The following TYRO3 variants were observed in gnomAD, a reference collection of about 807,000 sequenced individuals.
The protein encoded by TYRO3 is tyrosine-protein kinase receptor TYRO3.
In TYRO3, 38 loss-of-function variants were observed where a neutral mutation model predicts 95.2. The ratio of observed to expected loss-of-function variants is 0.40; its 90% CI spans 0.31 to 0.52. The LOEUF is 0.52. TYRO3 is among the 20% of genes least tolerant of loss of function. The probability of loss-of-function intolerance (pLI) is 0.56; values close to 1 mark genes in which losing one functional copy is unlikely to be tolerated. For synonymous variants in TYRO3, 367 were observed against 432.9 expected, an observed-to-expected ratio of 0.85 and a Z score of 1.89; for missense variants, 812 against 1,116.4, an observed-to-expected ratio of 0.73 and a Z score of 3.89.
rs1241341375 is a variant in TYRO3, at chr15:41,565,254, A to G, written c.783+113A>G. ...GGGGGCTTGGTCTGCAGCTCTTTTC[A>G]GGCTCTGCTCCTTAGCAGGAAGAAC... is the stretch of plus-strand genomic sequence containing the variant. On this transcript the variant is annotated intron_variant, in intron 6 of 18. Coordinates refer to ENST00000263798, the MANE Select transcript of TYRO3 (RefSeq NM_006293.4). 5.9e-6 allele frequency: 4 copies of G among 672,604 alleles called. No homozygotes were observed. The Admixed American group carries it at 6.5e-5, about 11-fold the overall frequency. 41.7% of individuals were successfully genotyped at this position (672,604 alleles called of 1,614,324 possible). A position where few individuals can be genotyped will look rare whatever the true frequency, so the allele number is the denominator to read the frequency against.
At chr15:41,576,645 C>CT (rs971951671) in intron 18 of TYRO3, among the ~76,000 whole-genome samples, 1,087 of 100,988 alleles carry the variant, frequency 0.011, 17 homozygotes, top group African/African-American at 0.037. Context: ...AGTAGGTTTC[C>CT]TTTTTTTTTT....
At chr15:41,572,722 G>A (rs1235639553) in intron 15 of TYRO3, among the ~76,000 whole-genome samples, 158 bp downstream of exon 15, 1 of 152,174 alleles carries the variant, frequency 6.6e-6, no homozygotes. Flanking sequence ...AATCTAGCAG[G>A]CTTTCTTTTC....
At chr15:41,569,927 A>G (rs2055772790) in intron 9 of TYRO3, 100 bp from the exon 10 acceptor site, 2 of 1,461,916 alleles carry the variant, frequency 1.4e-6, no homozygotes, top group Non-Finnish European at 1.8e-6. Context: ...TTATTGACCT[A>G]GAGGAGCCCC....
chr15:41,569,055 CAG>C, intron 9 of TYRO3, 33 bp downstream of exon 9: 2 of 1,610,610 alleles, frequency 1.2e-6, no homozygotes, highest in Non-Finnish European at 1.7e-6. Context: ...GGCAGAGGCT[CAG>C]GGGATCAAGG....
intron 3 of TYRO3, 125 bp from the exon 4 acceptor site, chr15:41,562,423 C>A: frequency 1.1e-6 from 1 of 946,110 alleles, no homozygotes; most frequent in Non-Finnish European, 1.6e-6. Flanking sequence ...CTGCTGTTGA[C>A]CTAATCATAA....
chr15:41,562,320 G>A (rs1200338), intron 3 of TYRO3: 289,075 of 289,156 alleles, frequency 1, 144,497 homozygotes, highest in Middle Eastern at 1. Flanking sequence ...AGACCTCCCC[G>A]CGACCAATCT....
intron 7 of TYRO3, 103 bp from the exon 8 acceptor site, chr15:41,568,112 CCT>C (rs2055747216): frequency 6.8e-7 from 1 of 1,460,156 alleles, no homozygotes; most frequent in African/African-American, 1.4e-5. Flanking sequence ...CCAGTTTGTG[CCT>C]CTCAGAGCTG....
rs959418268 is a variant in TYRO3 at position 41,567,392 on chromosome 15, G to C, written c.816G>C (p.Leu272=). Residue 272 remains leucine, a synonymous_variant, in exon 7 of 19, where the codon CTG becomes CTC. Transcript: ENST00000263798. ...VTQAPGGWEV[L]AVVVPVPPFT... ...AGGCCCCAGGAGGCTGGGAAGTCCT[G>C]GCTGTTGTGGTCCCTGTGCCCCCCT... 1.3e-6 allele frequency: 2 copies of C among 1,593,622 alleles called. No individual in the cohort carries two copies. The highest frequency in any genetic ancestry group is 1.7e-6 in the Non-Finnish European group (2 of 1,173,048).
At position 41,571,582 on chromosome 15, in the gene TYRO3, C is replaced by T. The variant is rs1296094420; in HGVS notation, c.1661-13C>T. On this transcript the variant is annotated splice_polypyrimidine_tract_variant and intron_variant, in intron 13 of 18. Coordinates refer to ENST00000263798, the MANE Select transcript of TYRO3 (RefSeq NM_006293.4). ...CTTGTTTTATTTCCTCCTTCCCCATCCCCTTCTCCTAGCTGACATCATTGC... is the reference window on the plus strand; with the variant it reads ...CTTGTTTTATTTCCTCCTTCCCCATTCCCTTCTCCTAGCTGACATCATTGC... 8.0e-7 allele frequency: 1 copy of T among 1,253,374 alleles called. No homozygotes were observed. The highest frequency in any genetic ancestry group is 1.8e-5 in the Admixed American group (1 of 56,588). The allele number at this position is 1,253,374 out of a possible 1,614,324, so 77.6% of individuals were successfully genotyped here.
At position 41,571,018 on chromosome 15, in the gene TYRO3, T is replaced by G. The variant is rs746074563; in HGVS notation, c.1580-20T>G. 1.4e-6 allele frequency: 2 copies of G among 1,392,836 alleles called. No homozygotes were observed. Among genetic ancestry groups the G allele is most frequent in the Non-Finnish European group, 2.0e-6 (2 of 981,406 alleles). 86.3% of individuals were successfully genotyped at this position (1,392,836 alleles called of 1,614,324 possible). Reference sequence around the variant, plus strand: ...AGCAGAGAGCCAAGGAGACTCTCCCTTACTTGGATTGGTTCCTAGGAGAGT... The same window carrying G: ...AGCAGAGAGCCAAGGAGACTCTCCCGTACTTGGATTGGTTCCTAGGAGAGT... On this transcript the variant is annotated intron_variant, in intron 12 of 18. Coordinates refer to ENST00000263798, the MANE Select transcript of TYRO3 (RefSeq NM_006293.4).
chr15:41,561,425 A>T, intron 2 of TYRO3, 114 bp from the exon 3 acceptor site: 1 of 1,446,834 alleles, frequency 6.9e-7, no homozygotes. Flanking sequence ...TGGTTTTTTT[A>T]TTTGGCTACC....
intron 13 of TYRO3, 150 bp downstream of exon 13, chr15:41,571,268 C>T: frequency 1.3e-6 from 1 of 744,528 alleles, no homozygotes; most frequent in Non-Finnish European, 2.3e-6. Flanking sequence ...GAATAATTCA[C>T]AAGCATAAAC....
intron 4 of TYRO3, 121 bp from the exon 5 acceptor site, chr15:41,564,063 C>G: frequency 1.1e-6 from 1 of 913,146 alleles, no homozygotes. Context: ...ACTGCCCAGC[C>G]CCTTCCTTTG....
chr15:41,568,532 A>T (rs951120919), intron 8 of TYRO3, among the ~76,000 whole-genome samples, 170 bp downstream of exon 8: 1 of 152,108 alleles, frequency 6.6e-6, no homozygotes, highest in African/African-American at 2.4e-5. Flanking sequence ...TCAAAGGATT[A>T]TGTCTCCTGT....
rs2055784266 is a variant in TYRO3, at chr15:41,570,700, G to A, written c.1579+1G>A. 6.4e-7 allele frequency: 1 copy of A among 1,574,022 alleles called. No individual in the cohort carries two copies. Among genetic ancestry groups the A allele is most frequent in the African/African-American group, 1.3e-5 (1 of 74,338 alleles). On this transcript the variant is annotated splice_donor_variant, in intron 12 of 18. Coordinates refer to ENST00000263798, the MANE Select transcript of TYRO3 (RefSeq NM_006293.4). LOFTEE classifies it high-confidence loss of function. ...ACCCTGGGCCGGATGTTGGGCAAAG[G>A]TATGTGAGGCTGTGTGGGGATGGGC...
chr15:41,570,899 G>C (rs980241372), intron 12 of TYRO3, 139 bp from the exon 13 acceptor site: 2 of 1,014,642 alleles, frequency 2.0e-6, no homozygotes, highest in Non-Finnish European at 3.0e-6. Flanking sequence ...GCATGCTCTT[G>C]CTTTGGCTAC....
In TYRO3 at chr15:41,565,105, T is replaced by G. The variant is rs2277536; in HGVS notation, c.747T>G (p.Ala249=). Residue 249 remains alanine (A), a synonymous_variant, in exon 6 of 19, where the codon GCT becomes GCG. Transcript: ENST00000263798. ...SNASVAWMPG[A]DGRALLQSCT... ...CTAGTGTGGCCTGGATGCCAGGTGC[T>G]GATGGCCGAGCTCTGCTACAGTCCT... 2.5e-5 allele frequency: 41 copies of G among 1,611,668 alleles called. No individual in the cohort carries two copies. The highest frequency in any genetic ancestry group is 3.4e-5 in the Non-Finnish European group (40 of 1,178,984).
intron 18 of TYRO3, among the ~76,000 whole-genome samples, chr15:41,575,429 A>C (rs1455417114): frequency 6.6e-6 from 1 of 152,202 alleles, no homozygotes; most frequent in Non-Finnish European, 1.5e-5. Context: ...TGGTGCTGTC[A>C]ATGGAGAGTG....
rs2055907640 is a variant in TYRO3, at chr15:41,580,163, A to C, written c.*1887A>C. ...CTTTTGTAATTAGATACAGGATCCC[A>C]ATGAATCTTATTATACTGAAGATAA... On this transcript the variant is annotated 3_prime_UTR_variant, in exon 19 of 19. Coordinates refer to ENST00000263798, the MANE Select transcript of TYRO3 (RefSeq NM_006293.4). 6.6e-6 allele frequency: 1 copy of C among 152,152 alleles called. No individual in the cohort carries two copies. The highest frequency in any genetic ancestry group is 1.5e-5 in the Non-Finnish European group (1 of 68,036). 9.4% of individuals were successfully genotyped at this position (152,152 alleles called of 1,614,324 possible). A position where few individuals can be genotyped will look rare whatever the true frequency, so the allele number is the denominator to read the frequency against.
Sources: gnomAD v4.1 joint callset for allele counts (sites outside exome capture counted in the v4.1 genomes callset) on GRCh38, gnomAD v4.1.1 for gene constraint, MANE v1.5 for transcripts, NCBI Gene and HGNC (gene_info 2026-07-23, HGNC 2026-07-21) for gene names.